CNOT10: variants seen among roughly 807,000 people sequenced by gnomAD.
CNOT10 encodes CCR4-NOT transcription complex, subunit 10.
A neutral mutation model predicts 94.6 loss-of-function variants in CNOT10; 30 were observed. That is an observed-to-expected ratio of 0.32 (90% confidence interval 0.24 to 0.43). CNOT10 has a LOEUF of 0.43. CNOT10 is among the 20% of genes least tolerant of loss of function. The pLI is 1.00. For missense variants in CNOT10, 759 were observed against 877.2 expected, an observed-to-expected ratio of 0.87 and a Z score of 1.70; for synonymous variants, 289 against 301.6, an observed-to-expected ratio of 0.96 and a Z score of 0.43.
intron 5 of CNOT10, among the ~76,000 whole-genome samples, chr3:32,715,638 C>A (rs1474623255): frequency 6.6e-6 from 1 of 152,116 alleles, no homozygotes; most frequent in Non-Finnish European, 1.5e-5. Flanking sequence ...TTTTTTAAAA[C>A]AAGCCCAGGC....
At chr3:32,737,827 T>TC (rs1699262650) in intron 13 of CNOT10, among the ~76,000 whole-genome samples, 2 of 152,140 alleles carry the variant, frequency 1.3e-5, no homozygotes, top group African/African-American at 4.8e-5. Flanking sequence ...GAACACATTC[T>TC]TTTTTATCTT....
chr3:32,699,852 G>T (rs1475364175), intron 1 of CNOT10, among the ~76,000 whole-genome samples: 1 of 152,074 alleles, frequency 6.6e-6, no homozygotes, highest in Non-Finnish European at 1.5e-5. Context: ...AAAGTTGGTT[G>T]TAGGCACTCT....
At chr3:32,695,863 T>C (rs1324576306) in intron 1 of CNOT10, 1 of 1,470,388 alleles carries the variant, frequency 6.8e-7, no homozygotes, top group African/African-American at 1.4e-5. Context: ...TAAATGTTTT[T>C]AAAACATTAA....
intron 18 of CNOT10, among the ~76,000 whole-genome samples, chr3:32,770,403 G>T (rs1455883422): frequency 1.5e-5 from 2 of 136,062 alleles, no homozygotes; most frequent in East Asian, 4.4e-4. Context: ...TCGGCTCACT[G>T]CAAGTTCCGC....
chr3:32,773,631 T>G lies in CNOT10; in HGVS notation c.*20T>G. 1 of 1,596,756 alleles carries G rather than the reference T, an allele frequency of 6.3e-7. No homozygotes were observed. The highest frequency in any genetic ancestry group is 8.5e-7 in the Non-Finnish European group (1 of 1,171,076). The stretch of plus-strand genomic sequence containing the variant: ...AAGTGATACTTCACTTTTGGAAAAC[T>G]GTTACCTGAGACCCAGGGGAGAATT... On this transcript the variant is annotated 3_prime_UTR_variant, in exon 19 of 19. Coordinates refer to ENST00000328834, the MANE Select transcript of CNOT10 (RefSeq NM_015442.3).
chr3:32,770,553 C>T (rs1180140538), intron 18 of CNOT10, among the ~76,000 whole-genome samples: 4 of 151,958 alleles, frequency 2.6e-5, no homozygotes, highest in Non-Finnish European at 1.5e-5. Context: ...TCTCGATCTC[C>T]TGACCTCATG....
intron 18 of CNOT10, among the ~76,000 whole-genome samples, chr3:32,771,494 G>A (rs1700903716): frequency 6.6e-6 from 1 of 152,114 alleles, no homozygotes; most frequent in Non-Finnish European, 1.5e-5. Flanking sequence ...CAGGTACTTA[G>A]GAGGCTGAAG....
At chr3:32,708,564 A>C in intron 3 of CNOT10, 106 bp from the exon 4 acceptor site, 2 of 908,886 alleles carry the variant, frequency 2.2e-6, no homozygotes, top group East Asian at 2.6e-5. Context: ...GGAAAAATTC[A>C]GAATAAGAAT....
intron 14 of CNOT10, 75 bp downstream of exon 14, chr3:32,759,646 C>T (rs1447615662): frequency 1.0e-6 from 1 of 953,634 alleles, no homozygotes; most frequent in African/African-American, 1.6e-5. Flanking sequence ...GTTTATGTTG[C>T]TTCTTTTGAC....
intron 1 of CNOT10, among the ~76,000 whole-genome samples, chr3:32,702,892 A>G (rs950685849): frequency 3.3e-5 from 5 of 150,494 alleles, no homozygotes; most frequent in African/African-American, 4.9e-5. Context: ...AGCTTATAAC[A>G]TTAATCAGTC....
chr3:32,695,443 T>TA (rs1697004788), intron 1 of CNOT10: 1 of 798,358 alleles, frequency 1.3e-6, no homozygotes, highest in East Asian at 2.9e-5. Context: ...CTTTTCTTGA[T>TA]ATATCAGTGG....
intron 13 of CNOT10, among the ~76,000 whole-genome samples, chr3:32,749,751 C>G (rs548952825): frequency 1.3e-5 from 2 of 152,002 alleles, no homozygotes; most frequent in Admixed American, 1.3e-4. Context: ...AGATAAGGCT[C>G]AACTTCATTT....
At chr3:32,733,207 A>G (rs902608530) in intron 10 of CNOT10, among the ~76,000 whole-genome samples, 4 of 152,160 alleles carry the variant, frequency 2.6e-5, no homozygotes, top group African/African-American at 9.6e-5. Flanking sequence ...ATTTTCTCCA[A>G]TCTCATGTAA....
intron 13 of CNOT10, among the ~76,000 whole-genome samples, chr3:32,751,405 CT>C (rs1463712867): frequency 2.0e-5 from 3 of 152,116 alleles, no homozygotes; most frequent in African/African-American, 7.2e-5. Context: ...AGCACCTGGC[CT>C]GAAAATGAAA....
chr3:32,733,112 C>T (rs954858757), intron 10 of CNOT10, among the ~76,000 whole-genome samples: 4 of 152,134 alleles, frequency 2.6e-5, no homozygotes, highest in African/African-American at 9.7e-5. Flanking sequence ...TAACATGTAG[C>T]ATGGTACTGG....
intron 1 of CNOT10, among the ~76,000 whole-genome samples, chr3:32,700,912 A>G (rs1230938110): frequency 1.3e-5 from 2 of 152,182 alleles, no homozygotes; most frequent in Non-Finnish European, 2.9e-5. Context: ...TCTTTGGGAG[A>G]TAGTAAAATA....
intron 13 of CNOT10, among the ~76,000 whole-genome samples, chr3:32,754,489 A>AAAAAAATATAT (rs77878221): frequency 1.7e-4 from 12 of 70,212 alleles, no homozygotes; most frequent in Admixed American, 4.6e-4. Flanking sequence ...AAAAAAAAAA[A>AAAAAAATATAT]ATACATATAT....
chr3:32,753,496 G>A (rs991141967), intron 13 of CNOT10: 1 of 1,565,990 alleles, frequency 6.4e-7, no homozygotes, highest in East Asian at 2.2e-5. Context: ...TATAATACCA[G>A]AACAGAGCAC....
chr3:32,712,145 G>A lies in CNOT10; in HGVS notation c.431-1082G>A, dbSNP rs539266179. On this transcript the variant is annotated intron_variant, in intron 4 of 18. Coordinates refer to ENST00000328834, the MANE Select transcript of CNOT10 (RefSeq NM_015442.3). Reference sequence around the variant, plus strand: ...CCCATACCTTGCTGCTTTTGCTTCTGTAATCAGGTGTTTGTTTGTTTTTTT... The same window carrying A: ...CCCATACCTTGCTGCTTTTGCTTCTATAATCAGGTGTTTGTTTGTTTTTTT... Among the ~76,000 whole-genome samples, 4 of 145,820 alleles carry A rather than the reference G, an allele frequency of 2.7e-5. No homozygotes were observed. In the East Asian group the frequency reaches 8.2e-4, roughly 30 times the overall value.
Sources: allele counts gnomAD v4.1 joint callset (sites outside exome capture counted in the v4.1 genomes callset), GRCh38; gene constraint gnomAD v4.1.1; transcripts MANE v1.5; gene names NCBI Gene and HGNC (gene_info 2026-07-23, HGNC 2026-07-21).